The following BRINP1 variants were observed in gnomAD, a reference collection of about 807,000 sequenced individuals.
BRINP1 encodes the protein BMP/retinoic acid inducible neural specific 1.
A neutral mutation model predicts 72.9 loss-of-function variants in BRINP1; 17 were observed. The observed-to-expected ratio is 0.23, with a 90% CI of 0.16 to 0.35. The LOEUF (loss-of-function observed/expected upper bound fraction) is 0.35. BRINP1 is among the 10% of genes least tolerant of loss of function. BRINP1 has a pLI of 1.00. For synonymous variants in BRINP1, 418 were observed against 378.5 expected (o/e 1.10, Z -1.21); for missense variants, 850 against 1,001.6 (o/e 0.85, Z 2.04).
In BRINP1 at chr9:119,202,063, C is replaced by T. The variant is rs192284474; in HGVS notation, c.1145+6656G>A. ...TTAAACACCTTGGATCATCTTGTCT[C>T]GGAGATTGGTAGAATAGCAGAGGAG... On this transcript the variant is annotated intron_variant, in intron 7 of 7. Transcript: ENST00000265922. 2.0e-5 allele frequency among the ~76,000 whole-genome samples: 3 copies of T among 152,194 alleles called. No individual in the cohort carries two copies. In the East Asian group the frequency reaches 5.8e-4, roughly 29 times the overall value.
At chr9:119,255,071 A>G (rs555694992) in intron 2 of BRINP1, among the ~76,000 whole-genome samples, 1 of 152,348 alleles carries the variant, frequency 6.6e-6, no homozygotes, top group South Asian at 2.1e-4. Flanking sequence ...CCATTGCAAC[A>G]TGCCACCTTA....
chr9:119,167,528 C>G lies in BRINP1; in HGVS notation c.1842G>C (p.Thr614=), dbSNP rs551897237. 3.1e-6 allele frequency: 5 copies of G among 1,613,894 alleles called. No individual in the cohort carries two copies. The African/African-American group carries it at 4.0e-5, about 13-fold the overall frequency. Residue 614 remains threonine, a synonymous_variant, in exon 8 of 8, where the codon ACG becomes ACC. Transcript: ENST00000265922. The surrounding 1 kb of genome is among the most constrained non-coding windows in gnomAD (Gnocchi z 4.3). ...LGNRWKTFFE[T]VHIYLRSRTR... ...TCCGACTACGTAGGTAGATGTGGAC[C>G]GTCTCGAAAAATGTTTTCCACCGAT...
At chr9:119,222,138 A>G (rs1830047068) in intron 5 of BRINP1, among the ~76,000 whole-genome samples, 1 of 152,168 alleles carries the variant, frequency 6.6e-6, no homozygotes, top group Admixed American at 6.5e-5. Flanking sequence ...CTCTCTTTTT[A>G]CAAGTCCAAC....
chr9:119,283,114 A>G lies in BRINP1; in HGVS notation c.218+30024T>C, dbSNP rs1830729511. On this transcript the variant is annotated intron_variant, in intron 2 of 7. Coordinates refer to ENST00000265922, the MANE Select transcript of BRINP1 (RefSeq NM_014618.3). ...AGCAGTTCACAGAGCTTGGAGCGTGAATCTGCGTTCTCACCGGCTGTGGTT... is the reference window on the plus strand; with the variant it reads ...AGCAGTTCACAGAGCTTGGAGCGTGGATCTGCGTTCTCACCGGCTGTGGTT... 41 of 984,940 alleles carry G rather than the reference A, an allele frequency of 4.2e-5. No individual in the cohort carries two copies. The South Asian group carries it at 1.9e-3, about 45-fold the overall frequency. 61.0% of individuals were successfully genotyped at this position (984,940 alleles called of 1,614,324 possible).
intron 1 of BRINP1, among the ~76,000 whole-genome samples, chr9:119,318,810 G>C (rs1402857089): frequency 6.6e-6 from 1 of 150,994 alleles, no homozygotes; most frequent in African/African-American, 2.4e-5. Flanking sequence ...TCTCAAAAGT[G>C]GAACAAGGTC....
intron 2 of BRINP1, among the ~76,000 whole-genome samples, chr9:119,278,845 G>A (rs551062316): frequency 1.3e-5 from 2 of 152,080 alleles, no homozygotes; most frequent in Non-Finnish European, 2.9e-5. Flanking sequence ...CCGAGATTGC[G>A]CCACTGCACT....
intron 7 of BRINP1, among the ~76,000 whole-genome samples, chr9:119,197,388 T>C (rs960163684): frequency 2.0e-5 from 3 of 152,214 alleles, no homozygotes; most frequent in Non-Finnish European, 4.4e-5. Flanking sequence ...TAGAACCTTT[T>C]TGATAGGGTT....
intron 1 of BRINP1, among the ~76,000 whole-genome samples, chr9:119,318,844 G>GGGGGGTGTGT (rs111313745): frequency 6.3e-5 from 9 of 142,146 alleles, no homozygotes; most frequent in African/African-American, 2.1e-4. Context: ...AAATGTGTGG[G>GGGGGGTGTGT]GTGTGTGTGT....
chr9:119,369,369 T>G lies in BRINP1; in HGVS notation c.-364A>C, dbSNP rs1475516564. ...CTCTCGCGGGTTCGCTCGCCTGCGC[T>G]CTCCTCCTCCCCGCGCGCCAGATCA... On this transcript the variant is annotated 5_prime_UTR_variant, in exon 1 of 8. Transcript: ENST00000265922. 2.5e-6 allele frequency: 1 copy of G among 397,536 alleles called. No individual in the cohort carries two copies. The highest frequency in any genetic ancestry group is 4.4e-6 in the Non-Finnish European group (1 of 225,526). 24.6% of individuals were successfully genotyped at this position (397,536 alleles called of 1,614,324 possible).
chr9:119,288,194 C>T (rs1429737005), intron 2 of BRINP1, among the ~76,000 whole-genome samples: 1 of 152,120 alleles, frequency 6.6e-6, no homozygotes, highest in Non-Finnish European at 1.5e-5. Context: ...TCTCCCTTCA[C>T]CTGAAGAGAT....
At chr9:119,200,008 C>A (rs971639678) in intron 7 of BRINP1, among the ~76,000 whole-genome samples, 3 of 152,126 alleles carry the variant, frequency 2.0e-5, no homozygotes, top group African/African-American at 7.2e-5. Flanking sequence ...AAGTCACTTA[C>A]CTCCCTTAGA....
chr9:119,273,856 CA>C (rs2118954286), intron 2 of BRINP1, among the ~76,000 whole-genome samples: 1 of 152,292 alleles, frequency 6.6e-6, no homozygotes, highest in South Asian at 2.1e-4. Context: ...TGTCCACGTT[CA>C]CCCAGCTAGA....
chr9:119,327,447 T>G (rs1246899182), intron 1 of BRINP1, among the ~76,000 whole-genome samples: 12 of 152,180 alleles, frequency 7.9e-5, no homozygotes, highest in Admixed American at 7.9e-4. Context: ...ATGGATGAAC[T>G]GTACAAATTG....
intron 5 of BRINP1, among the ~76,000 whole-genome samples, chr9:119,238,371 T>G (rs539573089): frequency 1.3e-5 from 2 of 151,538 alleles, no homozygotes; most frequent in South Asian, 4.2e-4. Context: ...CAAAGAAATG[T>G]AGATATTTAT....
chr9:119,303,875 CTT>C (rs11292229), intron 2 of BRINP1, among the ~76,000 whole-genome samples: 199 of 138,658 alleles, frequency 1.4e-3, no homozygotes, highest in Middle Eastern at 3.7e-3. Context: ...CTCTTTTTTT[CTT>C]TTTTTTTTTT....
chr9:119,196,290 A>G (rs1829736922), intron 7 of BRINP1, among the ~76,000 whole-genome samples: 1 of 152,160 alleles, frequency 6.6e-6, no homozygotes, highest in African/African-American at 2.4e-5. Flanking sequence ...CTATGTTCAG[A>G]AAGTACTCCA....
chr9:119,178,661 C>T (rs915704045), intron 7 of BRINP1, among the ~76,000 whole-genome samples: 1 of 152,146 alleles, frequency 6.6e-6, no homozygotes. Context: ...AGGTTCTTCA[C>T]ACTGTCTCCC....
intron 7 of BRINP1, among the ~76,000 whole-genome samples, chr9:119,190,335 T>A: frequency 6.9e-6 from 1 of 145,412 alleles, no homozygotes; most frequent in African/African-American, 2.6e-5. Context: ...AACACAAAAG[T>A]CATGGAAAAA....
At chr9:119,267,048 G>A (rs1037025339) in intron 2 of BRINP1, among the ~76,000 whole-genome samples, 1 of 152,218 alleles carries the variant, frequency 6.6e-6, no homozygotes, top group Non-Finnish European at 1.5e-5. Flanking sequence ...AAAGCAGGGA[G>A]TGGCCTGGAT....
Sources: gnomAD v4.1 joint callset for allele counts (sites outside exome capture counted in the v4.1 genomes callset) on GRCh38, gnomAD v4.1.1 for gene constraint, Gnocchi (gnomAD v3.1) non-coding constraint, MANE v1.5 for transcripts, NCBI Gene and HGNC (gene_info 2026-07-23, HGNC 2026-07-21) for gene names.